Variants in ADAMTS10 observed in about 807,000 individuals in gnomAD.
The protein encoded by ADAMTS10 is A disintegrin and metalloproteinase with thrombospondin motifs 10.
ADAMTS10 carries 48 observed loss-of-function variants against 135.9 expected under a neutral mutation model. That is an observed-to-expected ratio of 0.35 (90% CI 0.28 to 0.45). ADAMTS10 has a LOEUF of 0.45. Among genes scored for constraint, ADAMTS10 ranks in the 20% least tolerant of loss-of-function variants. The pLI is 1.00. For synonymous variants in ADAMTS10, 621 were observed against 647.5 expected (o/e 0.96, Z 0.62); for missense variants, 1,131 against 1,565.2 (o/e 0.72, Z 4.68).
At chr19:8,600,654 A>ATG (rs2042656669) in intron 6 of ADAMTS10, among the ~76,000 whole-genome samples, 4 of 151,496 alleles carry the variant, frequency 2.6e-5, no homozygotes, top group East Asian at 1.9e-4. Context: ...GCCCGCCACC[A>ATG]CACTCGGCTA....
At position 8,605,813 on chromosome 19, in the gene ADAMTS10, GGA is replaced by G. The variant is rs1272261744; in HGVS notation, c.-99-6_-99-5del. 20 of 1,512,974 alleles carry G rather than the reference GGA, an allele frequency of 1.3e-5. No homozygotes were observed. Among genetic ancestry groups the G allele is most frequent in the Non-Finnish European group, 1.8e-5 (20 of 1,133,068 alleles). 93.7% of individuals were successfully genotyped at this position (1,512,974 alleles called of 1,614,324 possible). On this transcript the variant is annotated splice_region_variant and splice_polypyrimidine_tract_variant and intron_variant, in intron 2 of 25. Transcript: ENST00000597188. The surrounding 1 kb of genome is among the most constrained non-coding windows in gnomAD (Gnocchi z 7.7). ...CCTTCGCAGCATCACCGGGCTCCTG[GGA>G]GGGGGGAGCCAGGTAAGGGGGCGCC...
intron 2 of ADAMTS10, among the ~76,000 whole-genome samples, chr19:8,607,908 TCAAG>T (rs35957892): frequency 0.89 from 133,597 of 150,346 alleles, 60,542 homozygotes; most frequent in Non-Finnish European, 0.98. Context: ...TCTCTCGGGT[TCAAG>T]CGATTCTCCT....
intron 5 of ADAMTS10, among the ~76,000 whole-genome samples, chr19:8,602,009 C>G (rs1202521997): frequency 1.3e-5 from 2 of 152,200 alleles, no homozygotes; most frequent in Non-Finnish European, 2.9e-5. Flanking sequence ...TGTGAACCAG[C>G]CTGTTTTGCA....
Position 8,595,908 on chromosome 19 carries a change from C to T in ADAMTS10, c.1338-5G>A. ...AGGCAGAGCCCCAGGCCCGAGCTGC[C>T]TCGAGAGAAAAGCAACTGTCATGCT... On this transcript the variant is annotated splice_polypyrimidine_tract_variant and splice_region_variant and intron_variant, in intron 11 of 25. Coordinates refer to ENST00000597188, the MANE Select transcript of ADAMTS10 (RefSeq NM_030957.4). The T allele has an allele frequency of 6.2e-7, 1 of 1,614,192 alleles. No homozygotes were observed. Among genetic ancestry groups the T allele is most frequent in the Non-Finnish European group, 8.5e-7 (1 of 1,180,042 alleles).
chr19:8,586,281 C>T (rs782362045), intron 21 of ADAMTS10, 30 bp from the exon 22 acceptor site: 3 of 1,612,982 alleles, frequency 1.9e-6, no homozygotes, highest in African/African-American at 2.7e-5. Flanking sequence ...GCCTGCTCAG[C>T]CCCTCCCGGC....
chr19:8,586,256 A>T lies in ADAMTS10; in HGVS notation c.2531-5T>A. 6.2e-7 allele frequency: 1 copy of T among 1,613,188 alleles called. No homozygotes were observed. The highest frequency in any genetic ancestry group is 8.5e-7 in the Non-Finnish European group (1 of 1,179,844). ...CCACCGCCTGCACCTGGCTACCTGG[A>T]GGGGAGGGTGAGAGGCCTGCTCAGC... On this transcript the variant is annotated splice_polypyrimidine_tract_variant and splice_region_variant and intron_variant, in intron 21 of 25. Coordinates refer to ENST00000597188, the MANE Select transcript of ADAMTS10 (RefSeq NM_030957.4).
chr19:8,592,913 C>T, intron 12 of ADAMTS10, 43 bp from the exon 13 acceptor site: 2 of 1,571,402 alleles, frequency 1.3e-6, no homozygotes, highest in Non-Finnish European at 1.7e-6. Context: ...CCCTCCCTTC[C>T]TCCCTGGGGC....
In ADAMTS10 at chr19:8,609,234, CTGTG is replaced by C. The variant is rs35269308; in HGVS notation, c.-214-990_-214-987del. The stretch of plus-strand genomic sequence containing the variant: ...TTATGGCTTGTGAGTGTGTGTGACC[CTGTG>C]TGTGTGTGTGTGTGTGTGTGTACCC... On this transcript the variant is annotated intron_variant, in intron 1 of 25. Transcript: ENST00000597188. Among the ~76,000 whole-genome samples the C allele has an allele frequency of 1.9e-4, 27 of 139,918 alleles. No homozygotes were observed. In the East Asian group the frequency reaches 2.9e-3, roughly 15 times the overall value. The allele number at this position is 139,918 out of a possible 152,430, so 91.8% of individuals were successfully genotyped here.
rs2042712249 is a variant in ADAMTS10 at position 8,605,539 on chromosome 19, C to T, written c.88+84G>A. The stretch of plus-strand genomic sequence containing the variant: ...TCCCCCATTGACCCCCATCCCAGCC[C>T]CCTGATGCCTCTTTCTGTTGGAGCC... On this transcript the variant is annotated intron_variant, in intron 3 of 25. Transcript: ENST00000597188. The surrounding 1 kb of genome is among the most constrained non-coding windows in gnomAD (Gnocchi z 7.7). 2 of 1,534,472 alleles carry T rather than the reference C, an allele frequency of 1.3e-6. No homozygotes were observed. The highest frequency in any genetic ancestry group is 2.7e-5 in the African/African-American group (2 of 73,178).
Position 8,597,251 on chromosome 19 carries a change from G to A in ADAMTS10, c.877C>T (p.Leu293=), listed in dbSNP as rs1555740499. Residue 293 remains leucine, a synonymous_variant, in exon 7 of 26, where the codon CTG becomes TTG. Coordinates refer to ENST00000597188, the MANE Select transcript of ADAMTS10 (RefSeq NM_030957.4). ...TVNILVTRLI[L]LTEDQPTLEI... Reference sequence around the variant, plus strand: ...CCCCGCACCTGGTCCTCCGTGAGCAGGATGAGGCGAGTTACGAGGATGTTA... The same window carrying A: ...CCCCGCACCTGGTCCTCCGTGAGCAAGATGAGGCGAGTTACGAGGATGTTA... 1 of 1,614,040 alleles carries A rather than the reference G, an allele frequency of 6.2e-7. No individual in the cohort carries two copies. Among genetic ancestry groups the A allele is most frequent in the Admixed American group, 1.7e-5 (1 of 60,000 alleles).
In ADAMTS10 at chr19:8,605,424, T is replaced by C; in HGVS notation, c.89-66A>G. ...TATTGGACCCCTGTGTCCTGGCTGT[T>C]AGGCTGCTGGAGCAAGTGATGCTGG... On this transcript the variant is annotated intron_variant, in intron 3 of 25. Coordinates refer to ENST00000597188, the MANE Select transcript of ADAMTS10 (RefSeq NM_030957.4). The surrounding 1 kb of genome is among the most constrained non-coding windows in gnomAD (Gnocchi z 7.7). 2 of 1,517,284 alleles carry C rather than the reference T, an allele frequency of 1.3e-6. No homozygotes were observed. Among genetic ancestry groups the C allele is most frequent in the South Asian group, 2.4e-5 (2 of 83,420 alleles). The allele number at this position is 1,517,284 out of a possible 1,614,324, so 94.0% of individuals were successfully genotyped here. A position where few individuals can be genotyped will look rare whatever the true frequency, so the allele number is the denominator to read the frequency against.
chr19:8,589,834 G>T, intron 16 of ADAMTS10, 55 bp downstream of exon 16: 2 of 1,552,248 alleles, frequency 1.3e-6, no homozygotes, highest in South Asian at 1.1e-5. Flanking sequence ...CCTGCTGCTG[G>T]ACACTCCCAC....
In ADAMTS10 at chr19:8,610,180, AC is replaced by A. The variant is rs1198585455; in HGVS notation, c.-215+463del. ...ACTCACAAGTCCCACAGACCTAGAC[AC>A]CCCCCCACACCAGACACACACACAC... On this transcript the variant is annotated intron_variant, in intron 1 of 25. Transcript: ENST00000597188. 6.0e-5 allele frequency among the ~76,000 whole-genome samples: 9 copies of A among 149,400 alleles called. No individual in the cohort carries two copies. The East Asian group carries it at 1.0e-3, about 17-fold the overall frequency.
intron 15 of ADAMTS10, among the ~76,000 whole-genome samples, chr19:8,590,839 G>T (rs2042515076): frequency 6.6e-6 from 1 of 150,888 alleles, no homozygotes; most frequent in Non-Finnish European, 1.5e-5. Context: ...CAGGTGATCT[G>T]CCTGCCTCAG....
At position 8,596,289 on chromosome 19, in the gene ADAMTS10, T is replaced by TGTGTGCCCTGGCCTCAC. The variant is rs782776580; in HGVS notation, c.1190+1_1190+17dup. ...CCAGCTCCTCCCCTCCTCCCCCTCTTGTGTGCCCTGGCCTCACGTGTGCCC... is the reference window on the plus strand; with the variant it reads ...CCAGCTCCTCCCCTCCTCCCCCTCTTGTGTGCCCTGGCCTCACGTGTGCCCTGGCCTCACGTGTGCCC... On this transcript the variant is annotated intron_variant, in intron 10 of 25. Coordinates refer to ENST00000597188, the MANE Select transcript of ADAMTS10 (RefSeq NM_030957.4). The surrounding 1 kb of genome is among the most constrained non-coding windows in gnomAD (Gnocchi z 7.2). The TGTGTGCCCTGGCCTCAC allele has an allele frequency of 6.2e-7, 1 of 1,612,564 alleles. No homozygotes were observed. Among genetic ancestry groups the TGTGTGCCCTGGCCTCAC allele is most frequent in the Admixed American group, 1.7e-5 (1 of 59,990 alleles).
chr19:8,581,274 G>C (rs2042346961), intron 25 of ADAMTS10: 2 of 255,472 alleles, frequency 7.8e-6, no homozygotes, highest in Non-Finnish European at 1.5e-5. Context: ...AACCACGCCT[G>C]ACTTCTGTGC....
At position 8,596,126 on chromosome 19, in the gene ADAMTS10, G is replaced by T. The variant is rs369753869; in HGVS notation, c.1284C>A (p.Thr428=). 24 of 1,614,180 alleles carry T rather than the reference G, an allele frequency of 1.5e-5. No homozygotes were observed. The African/African-American group carries it at 2.8e-4, about 19-fold the overall frequency. The change falls in exon 11 of 26, where the codon ACC becomes ACA. Residue 428 remains threonine, a synonymous_variant. Transcript: ENST00000597188. This position sits in a 1 kb window ranked among gnomAD's most constrained non-coding sequence, Gnocchi z 7.2. ...TGCAGGATGACCACACGAATGGGTT[G>T]GTCTTCATGGTAATGTGGGCAGCCA... ...KLMAAHITMK[T]NPFVWSSCSR... is the part of the protein sequence containing the mutation.
chr19:8,603,555 T>C (rs1009903686), intron 5 of ADAMTS10, among the ~76,000 whole-genome samples, 173 bp downstream of exon 5: 1 of 152,160 alleles, frequency 6.6e-6, no homozygotes, highest in Non-Finnish European at 1.5e-5. Flanking sequence ...ATTATAGGTG[T>C]GAGCCACTGC....
At chr19:8,591,375 G>A (rs2042523409) in intron 15 of ADAMTS10, among the ~76,000 whole-genome samples, 2 of 151,960 alleles carry the variant, frequency 1.3e-5, no homozygotes. Context: ...AGGGAAGAGA[G>A]GGGTGGCGGC....
Sources: allele counts gnomAD v4.1 joint callset (sites outside exome capture counted in the v4.1 genomes callset), GRCh38; gene constraint gnomAD v4.1.1; non-coding constraint Gnocchi (gnomAD v3.1); transcripts MANE v1.5; gene names NCBI Gene and HGNC (gene_info 2026-07-23, HGNC 2026-07-21).